The following CUX2 variants were observed in gnomAD, a reference collection of about 807,000 sequenced individuals.
The protein encoded by CUX2 is homeobox protein cut-like 2.
In CUX2, 40 loss-of-function variants were observed where a neutral mutation model predicts 144.8. The observed-to-expected ratio is 0.28, with a 90% CI of 0.21 to 0.36. The LOEUF is 0.36. Ranked by LOEUF, CUX2 falls within the 10% of genes least tolerant of loss-of-function variation. The pLI is 1.00. For synonymous variants in CUX2, 827 were observed against 875.6 expected, an observed-to-expected ratio of 0.94 and a Z score of 0.98; for missense variants, 1,615 against 1,994.0, an observed-to-expected ratio of 0.81 and a Z score of 3.62.
intron 1 of CUX2, among the ~76,000 whole-genome samples, chr12:111,112,455 G>A (rs1592906825): frequency 6.6e-6 from 1 of 152,146 alleles, no homozygotes; most frequent in African/African-American, 2.4e-5. Flanking sequence ...GACTCGCAGA[G>A]CTATGGCCTA....
In CUX2 at chr12:111,304,979, G is replaced by A. The variant is rs997925354; in HGVS notation, c.858+665G>A. Among the ~76,000 whole-genome samples the A allele has an allele frequency of 2.3e-4, 35 of 152,210 alleles. No homozygotes were observed. Among genetic ancestry groups the A allele is most frequent in the African/African-American group, 8.4e-4 (35 of 41,450 alleles). ...GATTCTAGGGGGATTTCCCACCCCA[G>A]CCACATGCTATGAAGAGCCAGTCTT... On this transcript the variant is annotated intron_variant, in intron 10 of 21. Transcript: ENST00000261726. The surrounding 1 kb of genome is among the most constrained non-coding windows in gnomAD (Gnocchi z 4.7).
chr12:111,220,631 G>A (rs1045972956), intron 3 of CUX2, among the ~76,000 whole-genome samples: 4 of 151,342 alleles, frequency 2.6e-5, no homozygotes, highest in Non-Finnish European at 5.9e-5. Flanking sequence ...CAGAAGCCAG[G>A]TGCAGTCACT....
intron 1 of CUX2, among the ~76,000 whole-genome samples, chr12:111,099,119 A>C (rs1873025784): frequency 6.6e-6 from 1 of 152,228 alleles, no homozygotes; most frequent in Non-Finnish European, 1.5e-5. Flanking sequence ...TTGCCCATTC[A>C]ATACAGGATC....
chr12:111,076,235 T>C (rs1871531336), intron 1 of CUX2, among the ~76,000 whole-genome samples: 2 of 152,198 alleles, frequency 1.3e-5, no homozygotes, highest in Admixed American at 1.3e-4. Context: ...AGGATGCTAA[T>C]CCACCACCAC....
intron 1 of CUX2, among the ~76,000 whole-genome samples, chr12:111,064,050 A>G (rs1373097532): frequency 1.3e-5 from 2 of 152,144 alleles, no homozygotes; most frequent in African/African-American, 4.8e-5. Context: ...TTGGACATGG[A>G]CGTTGGGATC....
At position 111,290,027 on chromosome 12, in the gene CUX2, G is replaced by A. The variant is rs370882301; in HGVS notation, c.302-1391G>A. 2.0e-5 allele frequency among the ~76,000 whole-genome samples: 3 copies of A among 152,290 alleles called. No homozygotes were observed. In the East Asian group the frequency reaches 5.8e-4, roughly 29 times the overall value. ...TCACACAGGCATGGTTGGCAGAGGCGGTGGGAAGATTGGCCTCAGAGCGAT... is the reference window on the plus strand; with the variant it reads ...TCACACAGGCATGGTTGGCAGAGGCAGTGGGAAGATTGGCCTCAGAGCGAT... On this transcript the variant is annotated intron_variant, in intron 4 of 21. Coordinates refer to ENST00000261726, the MANE Select transcript of CUX2 (RefSeq NM_015267.4).
intron 20 of CUX2, chr12:111,339,587 A>G (rs1383512205): frequency 6.6e-6 from 1 of 152,240 alleles, no homozygotes; most frequent in African/African-American, 2.4e-5. Flanking sequence ...AGGCCTGGTT[A>G]GTATTTGGAT....
chr12:111,244,785 T>C (rs1399959057), intron 3 of CUX2, among the ~76,000 whole-genome samples: 2 of 152,022 alleles, frequency 1.3e-5, no homozygotes, highest in Non-Finnish European at 2.9e-5. Flanking sequence ...TTGCATAAAC[T>C]CCTCTCCCCC....
At chr12:111,090,954 A>C (rs1872520940) in intron 1 of CUX2, among the ~76,000 whole-genome samples, 1 of 152,116 alleles carries the variant, frequency 6.6e-6, no homozygotes, top group African/African-American at 2.4e-5. Context: ...TGGAGCACCT[A>C]CTGTGTGCCG....
At position 111,296,473 on chromosome 12, in the gene CUX2, C is replaced by T. The variant is rs774593513; in HGVS notation, c.638C>T (p.Ala213Val). Residue 213 changes from alanine (A) to valine (V), a missense_variant and splice_region_variant, in exon 8 of 22, where the codon GCG becomes GTG. Physicochemically the swap from Ala to Val is moderately conservative, Grantham distance 64. Around this residue, in one of 12 missense-constraint regions of CUX2, gnomAD observed 295 missense variants for 400.2 expected, o/e 0.74. Coordinates refer to ENST00000261726, the MANE Select transcript of CUX2 (RefSeq NM_015267.4). ...TCACCCTGCCTCTGCTTTCTCCCAGCGCTAAAGGCTACGCAGGCAGAGCTG... is the reference window on the plus strand; with the variant it reads ...TCACCCTGCCTCTGCTTTCTCCCAGTGCTAAAGGCTACGCAGGCAGAGCTG... ...AEEKIKVLHS[A>V]LKATQAELLE... is the part of the protein sequence containing the mutation. 9.3e-6 allele frequency: 15 copies of T among 1,605,906 alleles called. No individual in the cohort carries two copies. The highest frequency in any genetic ancestry group is 1.3e-5 in the African/African-American group (1 of 74,748).
chr12:111,331,922 A>G (rs985358103), intron 18 of CUX2, among the ~76,000 whole-genome samples: 1 of 151,714 alleles, frequency 6.6e-6, no homozygotes, highest in African/African-American at 2.4e-5. Context: ...TCTACTAACA[A>G]TACAAAAGTT....
rs1888746902 is a variant in CUX2 at position 111,345,322 on chromosome 12, A to G, written c.3660-2202A>G. Among the ~76,000 whole-genome samples the G allele has an allele frequency of 2.6e-5, 4 of 151,208 alleles. No homozygotes were observed. In the South Asian group the frequency reaches 6.3e-4, roughly 24 times the overall value. On this transcript the variant is annotated intron_variant, in intron 21 of 21. Transcript: ENST00000261726. ...AATTAGCATGGTGACGTGCACCTGTAGTCCCAGCTACTCCCGAGGCTGAGT... is the reference window on the plus strand; with the variant it reads ...AATTAGCATGGTGACGTGCACCTGTGGTCCCAGCTACTCCCGAGGCTGAGT...
intron 1 of CUX2, among the ~76,000 whole-genome samples, chr12:111,075,971 G>A (rs543508569): frequency 1.6e-4 from 25 of 152,280 alleles, no homozygotes; most frequent in African/African-American, 4.3e-4. Context: ...AACCCTATGA[G>A]GTTGGTACTA....
chr12:111,056,331 C>T lies in CUX2; in HGVS notation c.63+22091C>T, dbSNP rs75763541. ...CTGATTCTGTGGGCTGGAATTAGGA[C>T]GGAGCCCAGTTGGTTCAGCTTGTCC... On this transcript the variant is annotated intron_variant, in intron 1 of 21. Transcript: ENST00000261726. Among the ~76,000 whole-genome samples the T allele has an allele frequency of 4.3e-3, 660 of 152,318 alleles. 4 individuals carry two copies. The highest frequency in any genetic ancestry group is 0.015 in the African/African-American group (621 of 41,568).
chr12:111,042,361 T>G (rs1433187011), intron 1 of CUX2, among the ~76,000 whole-genome samples: 1 of 152,194 alleles, frequency 6.6e-6, no homozygotes, highest in Non-Finnish European at 1.5e-5. Context: ...CTGCTACAGA[T>G]GCCTGTGAGT....
At chr12:111,327,548 G>C (rs1210884607) in intron 18 of CUX2, among the ~76,000 whole-genome samples, 2 of 152,170 alleles carry the variant, frequency 1.3e-5, no homozygotes, top group African/African-American at 4.8e-5. Flanking sequence ...TTTCACTGTA[G>C]TTTTTATTTG....
chr12:111,193,227 C>T (rs1232065959), intron 1 of CUX2, among the ~76,000 whole-genome samples: 1 of 152,210 alleles, frequency 6.6e-6, no homozygotes, highest in African/African-American at 2.4e-5. Flanking sequence ...CCAAATCCCA[C>T]CTGCCTGACT....
rs2136451888 is a variant in CUX2, at chr12:111,343,633, A to C, written c.3659+1580A>C. Among the ~76,000 whole-genome samples, 2 of 152,278 alleles carry C rather than the reference A, an allele frequency of 1.3e-5. 1 individual carries two copies. The highest frequency in any genetic ancestry group is 1.3e-4 in the Admixed American group (2 of 15,276). ...TAGACCTGAGTCCATACCCTCTCTCAGTCCCCAATCCCCCCACAAGTCATT... is the reference window on the plus strand; with the variant it reads ...TAGACCTGAGTCCATACCCTCTCTCCGTCCCCAATCCCCCCACAAGTCATT... On this transcript the variant is annotated intron_variant, in intron 21 of 21. Transcript: ENST00000261726.
chr12:111,173,494 GC>G (rs1566272463), intron 1 of CUX2, among the ~76,000 whole-genome samples: 1 of 152,246 alleles, frequency 6.6e-6, no homozygotes, highest in Admixed American at 6.5e-5. Flanking sequence ...GAGGTGCTGG[GC>G]GCACAGGGGT....
Sources: allele counts gnomAD v4.1 joint callset (sites outside exome capture counted in the v4.1 genomes callset), GRCh38; gene constraint gnomAD v4.1.1; regional missense constraint gnomAD v4.1.1; non-coding constraint Gnocchi (gnomAD v3.1); transcripts MANE v1.5; gene names NCBI Gene and HGNC (gene_info 2026-07-23, HGNC 2026-07-21).